Variants in FECH observed in about 807,000 individuals in gnomAD.
FECH encodes the protein ferrochelatase, mitochondrial.
A neutral mutation model predicts 56.9 loss-of-function variants in FECH; 40 were observed. The observed-to-expected ratio is 0.70, with a 90% CI of 0.55 to 0.92. FECH has a LOEUF of 0.92. Ranked by LOEUF, FECH falls within the 40% of genes least tolerant of loss-of-function variation. FECH has a pLI of 0.00. For missense variants in FECH, 431 were observed against 529.1 expected (o/e 0.81, Z 1.82); for synonymous variants, 175 against 198.6 (o/e 0.88, Z 1.00).
At chr18:57,554,481 ACC>A (rs2050842883) in intron 8 of FECH, 57 bp from the exon 9 acceptor site, 8 of 1,599,392 alleles carry the variant, frequency 5.0e-6, no homozygotes, top group African/African-American at 1.3e-5. Context: ...GGTCTGTAGT[ACC>A]CCTGTTTGCC....
chr18:57,558,933 A>G (rs1159950676), intron 7 of FECH, among the ~76,000 whole-genome samples: 3 of 152,190 alleles, frequency 2.0e-5, no homozygotes, highest in African/African-American at 7.2e-5. Context: ...AAAAAAGAAA[A>G]GAGGAAAAGA....
intron 2 of FECH, among the ~76,000 whole-genome samples, chr18:57,578,165 A>G (rs2051209954): frequency 6.6e-6 from 1 of 152,182 alleles, no homozygotes; most frequent in African/African-American, 2.4e-5. Context: ...TTCAGTTTCT[A>G]TCAAATCCCA....
intron 2 of FECH, among the ~76,000 whole-genome samples, chr18:57,573,863 A>G (rs899519177): frequency 2.0e-5 from 3 of 152,208 alleles, no homozygotes; most frequent in Non-Finnish European, 4.4e-5. Context: ...GTGCTGGCAC[A>G]TGGTAAGTTC....
chr18:57,576,579 G>C lies in FECH; in HGVS notation c.195-3214C>G, dbSNP rs12968109. Among the ~76,000 whole-genome samples, 221 of 152,030 alleles carry C rather than the reference G, an allele frequency of 1.5e-3. 2 individuals carry two copies. Among genetic ancestry groups the C allele is most frequent in the African/African-American group, 5.3e-3 (218 of 41,440 alleles). ...TAAAAGACTTACCTAAGCCACAGAC[G>C]GTATCAGTGTGCAAACGGGATTTAG... On this transcript the variant is annotated intron_variant, in intron 2 of 10. Transcript: ENST00000262093.
Position 57,571,870 on chromosome 18 carries a change from C to T in FECH, c.315-330G>A, listed in dbSNP as rs572812033. On this transcript the variant is annotated intron_variant, in intron 3 of 10. Coordinates refer to ENST00000262093, the MANE Select transcript of FECH (RefSeq NM_000140.5). ...TAACACATTTTGATCCCACACCTAACGAGAACTAGGATATAAGACAAATGA... is the reference window on the plus strand; with the variant it reads ...TAACACATTTTGATCCCACACCTAATGAGAACTAGGATATAAGACAAATGA... Among the ~76,000 whole-genome samples the T allele has an allele frequency of 1.1e-4, 17 of 152,258 alleles. No individual in the cohort carries two copies. The South Asian group carries it at 3.3e-3, about 30-fold the overall frequency.
chr18:57,554,428 T>C lies in FECH; in HGVS notation c.913-4A>G. ...CCAACCAGGGCATTGGACCAACCTA[T>C]GCGAAAGATAGACGAATGCGTAAGT... On this transcript the variant is annotated splice_polypyrimidine_tract_variant and splice_region_variant and intron_variant, in intron 8 of 10. Transcript: ENST00000262093. 6.2e-6 allele frequency: 10 copies of C among 1,614,190 alleles called. No individual in the cohort carries two copies. The highest frequency in any genetic ancestry group is 8.5e-6 in the Non-Finnish European group (10 of 1,180,010).
intron 1 of FECH, 31 bp downstream of exon 1, chr18:57,586,523 C>A: frequency 6.6e-7 from 1 of 1,518,834 alleles, no homozygotes; most frequent in East Asian, 2.6e-5. Context: ...GGGATCCTGG[C>A]CCTGGCGGCC....
At position 57,563,203 on chromosome 18, in the gene FECH, T is replaced by C. The variant is rs112676089; in HGVS notation, c.599-223A>G. On this transcript the variant is annotated intron_variant, in intron 5 of 10. Transcript: ENST00000262093. ...AATTTCAATGGACTTTCAAAGATTA[T>C]TGATGTCAGTTCTAGTGAAAAACAA... Among the ~76,000 whole-genome samples the C allele has an allele frequency of 1.7e-3, 258 of 152,334 alleles. 1 individual carries two copies. Among genetic ancestry groups the C allele is most frequent in the Non-Finnish European group, 2.9e-3 (195 of 68,034 alleles).
intron 2 of FECH, among the ~76,000 whole-genome samples, chr18:57,578,539 G>A (rs2051217419): frequency 6.6e-6 from 1 of 152,162 alleles, no homozygotes; most frequent in Admixed American, 6.5e-5. Flanking sequence ...AATTAGCTGG[G>A]TGTGGTGGTG....
chr18:57,584,741 G>A (rs943111982), intron 1 of FECH, among the ~76,000 whole-genome samples: 2 of 151,290 alleles, frequency 1.3e-5, no homozygotes, highest in Non-Finnish European at 2.9e-5. Context: ...TTGGTTAGTT[G>A]CTGATATGGA....
At chr18:57,563,578 CCCAAAAAAAAAAA>C (rs1452975251) in intron 5 of FECH, among the ~76,000 whole-genome samples, 2 of 10,944 alleles carry the variant, frequency 1.8e-4, no homozygotes, top group African/African-American at 3.5e-4. Flanking sequence ...GAAACTCCGT[CCCAAAAAAAAAAA>C]AAAAAAAAAA....
At chr18:57,583,229 C>A (rs2051313086) in intron 1 of FECH, among the ~76,000 whole-genome samples, 1 of 152,176 alleles carries the variant, frequency 6.6e-6, no homozygotes, top group South Asian at 2.1e-4. Flanking sequence ...TAGCATTCGT[C>A]CAGGCTAAAG....
intron 1 of FECH, chr18:57,586,014 G>C (rs1048685051): frequency 2.0e-5 from 3 of 153,600 alleles, no homozygotes; most frequent in African/African-American, 7.2e-5. Flanking sequence ...GGCTGTTCCT[G>C]GGTCTTACAA....
rs1211527966 is a variant in FECH at position 57,580,134 on chromosome 18, C to G, written c.133G>C (p.Val45Leu). 2 of 1,614,184 alleles carry G rather than the reference C, an allele frequency of 1.2e-6. No homozygotes were observed. The highest frequency in any genetic ancestry group is 1.7e-6 in the Non-Finnish European group (2 of 1,180,032). ...RWKSGAAAAA[V>L]TTETAQHAQG... ...GCATGCTGGGCTGTTTCTGTGGTGA[C>G]GGCCGCTGCAGCTGCACCTGACTTC... The change falls in exon 2 of 11, where the codon GTC becomes CTC. Residue 45 changes from valine (V) to leucine (L), a missense_variant. Physicochemically the swap from Val to Leu is conservative, Grantham distance 32 (BLOSUM62 1). Coordinates refer to ENST00000262093, the MANE Select transcript of FECH (RefSeq NM_000140.5).
intron 4 of FECH, among the ~76,000 whole-genome samples, chr18:57,568,562 A>G (rs868654952): frequency 6.8e-4 from 103 of 152,298 alleles, no homozygotes; most frequent in African/African-American, 2.1e-3. Flanking sequence ...GGAAGGATGC[A>G]GGGATGAGAA....
rs1401010602 is a variant in FECH, at chr18:57,546,372, C to T, written c.*4340G>A. ...ATCGACAGGAGCTCATACGGCAGAGCCCCTAGGAATGCAGGTGCCCCCAGT... is the reference window on the plus strand; with the variant it reads ...ATCGACAGGAGCTCATACGGCAGAGTCCCTAGGAATGCAGGTGCCCCCAGT... On this transcript the variant is annotated 3_prime_UTR_variant, in exon 11 of 11. Transcript: ENST00000262093. 4.1e-5 allele frequency among the ~76,000 whole-genome samples: 6 copies of T among 147,876 alleles called. No individual in the cohort carries two copies. Among genetic ancestry groups the T allele is most frequent in the Non-Finnish European group, 9.0e-5 (6 of 66,474 alleles).
Position 57,566,554 on chromosome 18 carries a change from C to A in FECH, c.491G>T (p.Arg164Leu). Residue 164 changes from arginine (R) to leucine (L), a missense_variant, in exon 5 of 11, where the codon CGG (arginine) becomes CTG (leucine). Coordinates refer to ENST00000262093, the MANE Select transcript of FECH (RefSeq NM_000140.5). ...TTCTTCTGTTAAAGGATGGACGTAC[C>A]GAAATCCAATATAGTATTTGTGAGG... ...TAPHKYYIGF[R>L]YVHPLTEEAI... 1 of 1,614,054 alleles carries A rather than the reference C, an allele frequency of 6.2e-7. No homozygotes were observed. The highest frequency in any genetic ancestry group is 8.5e-7 in the Non-Finnish European group (1 of 1,179,988).
intron 9 of FECH, among the ~76,000 whole-genome samples, chr18:57,553,743 A>C (rs1402416016): frequency 1.3e-5 from 2 of 152,184 alleles, no homozygotes; most frequent in African/African-American, 4.8e-5. Context: ...TGAGTGCATA[A>C]AAGAGGTCAA....
chr18:57,547,332 C>T lies in FECH; in HGVS notation c.*3380G>A, dbSNP rs371138801. ...AATGATATGATTTGGCTCTGTTCCC[C>T]ACCCAAATCTCATTTCAAATTGTAA... is the stretch of plus-strand genomic sequence containing the variant. On this transcript the variant is annotated 3_prime_UTR_variant, in exon 11 of 11. Transcript: ENST00000262093. Among the ~76,000 whole-genome samples the T allele has an allele frequency of 4.1e-4, 63 of 152,232 alleles. No individual in the cohort carries two copies. The highest frequency in any genetic ancestry group is 1.4e-3 in the African/African-American group (59 of 41,544).
Sources: gnomAD v4.1 joint callset for allele counts (sites outside exome capture counted in the v4.1 genomes callset) on GRCh38, gnomAD v4.1.1 for gene constraint, MANE v1.5 for transcripts, NCBI Gene and HGNC (gene_info 2026-07-23, HGNC 2026-07-21) for gene names.